HSD17B12: variants seen among roughly 807,000 people sequenced by gnomAD.
HSD17B12 encodes hydroxysteroid 17-beta dehydrogenase 12.
HSD17B12 carries 32 observed loss-of-function variants against 39.3 expected under a neutral mutation model. The ratio of observed to expected loss-of-function variants is 0.81; its 90% confidence interval spans 0.61 to 1.09. The LOEUF is 1.09. Ranked by LOEUF, HSD17B12 falls within the 50% of genes least tolerant of loss-of-function variation. The pLI, the probability that HSD17B12 is intolerant of heterozygous loss-of-function variation, is 0.00. For missense variants in HSD17B12, 342 were observed against 382.9 expected (o/e 0.89, Z 0.89); for synonymous variants, 150 against 146.7 (o/e 1.02, Z -0.16).
chr11:43,581,917 T>A, the HSD17B12 span, among the ~76,000 whole-genome samples: 1 of 152,200 alleles, frequency 6.6e-6, no homozygotes, highest in Non-Finnish European at 1.5e-5. The surrounding 1 kb of genome is among the most constrained non-coding windows in gnomAD (Gnocchi z 4.9). Context: ...TTGACCGTAA[T>A]GATCCGATTC....
At chr11:43,580,980 G>A in the HSD17B12 span, among the ~76,000 whole-genome samples, 2 of 152,054 alleles carry the variant, frequency 1.3e-5, no homozygotes, top group Non-Finnish European at 2.9e-5. Flanking sequence ...GGGACTCTGA[G>A]GGATAAGAGG....
At chr11:43,648,103 C>CA in the HSD17B12 span, among the ~76,000 whole-genome samples, 47,800 of 151,642 alleles carry the variant, frequency 0.32, 7,756 homozygotes, top group African/African-American at 0.36. Context: ...CTTAAAGCCT[C>CA]AAAAAAAATC....
chr11:43,582,536 C>T, the HSD17B12 span, among the ~76,000 whole-genome samples: 2,953 of 152,322 alleles, frequency 0.019, 31 homozygotes, highest in Non-Finnish European at 0.03. Context: ...TGAGTGCCCA[C>T]AGGGACAGAA....
At chr11:43,828,091 T>TCAC (rs1374074442) in intron 6 of HSD17B12, among the ~76,000 whole-genome samples, 1 of 151,912 alleles carries the variant, frequency 6.6e-6, no homozygotes, top group African/African-American at 2.4e-5. Context: ...GACAAGGATT[T>TCAC]CACACTCTCA....
chr11:43,806,253 G>T (rs1951017012), intron 4 of HSD17B12: 1 of 152,172 alleles, frequency 6.6e-6, no homozygotes, highest in Non-Finnish European at 1.5e-5. Context: ...AGGTTGGGCT[G>T]GCTTAAAGCC....
the HSD17B12 span, among the ~76,000 whole-genome samples, chr11:43,651,796 C>G: frequency 6.6e-6 from 1 of 152,120 alleles, no homozygotes; most frequent in African/African-American, 2.4e-5. Flanking sequence ...CCAGGCTGGT[C>G]TTGAACTCCT....
the HSD17B12 span, among the ~76,000 whole-genome samples, chr11:43,642,220 C>T: frequency 2.0e-5 from 3 of 151,652 alleles, no homozygotes; most frequent in African/African-American, 7.2e-5. Context: ...TTGAAGAGTT[C>T]ATTTCTAGAA....
At chr11:43,799,157 A>G (rs1054431786) in intron 4 of HSD17B12, among the ~76,000 whole-genome samples, 1 of 152,044 alleles carries the variant, frequency 6.6e-6, no homozygotes, top group Non-Finnish European at 1.5e-5. Context: ...GATTTTTCCT[A>G]ATCTAACTCT....
At chr11:43,635,847 G>A in the HSD17B12 span, among the ~76,000 whole-genome samples, 3 of 152,214 alleles carry the variant, frequency 2.0e-5, no homozygotes, top group South Asian at 6.2e-4. Flanking sequence ...TTCTACCCAG[G>A]TAATGCAATG....
chr11:43,652,332 G>A, the HSD17B12 span, among the ~76,000 whole-genome samples: 1 of 152,110 alleles, frequency 6.6e-6, no homozygotes, highest in Non-Finnish European at 1.5e-5. Context: ...TTTTTCCTCT[G>A]GTCTCACACC....
intron 3 of HSD17B12, among the ~76,000 whole-genome samples, chr11:43,786,390 T>C (rs1258344595): frequency 6.6e-6 from 1 of 152,226 alleles, no homozygotes; most frequent in Non-Finnish European, 1.5e-5. Context: ...TTTTCTTTTT[T>C]ACTACAAGTA....
chr11:43,690,375 TATATATATATATATATATATA>T (rs1346641973), intron 1 of HSD17B12, among the ~76,000 whole-genome samples: 1 of 13,786 alleles, frequency 7.3e-5, no homozygotes, highest in Non-Finnish European at 1.2e-4. Context: ...TATATATATA[TATATATATATATATATATATA>T]TATATATATT....
intron 1 of HSD17B12, among the ~76,000 whole-genome samples, chr11:43,714,561 G>A (rs1435493539): frequency 1.3e-5 from 2 of 152,154 alleles, no homozygotes; most frequent in Non-Finnish European, 2.9e-5. Context: ...GTAGCATGAT[G>A]CCTCCAGCTT....
the HSD17B12 span, among the ~76,000 whole-genome samples, chr11:43,665,859 T>C: frequency 6.6e-6 from 1 of 152,200 alleles, no homozygotes; most frequent in African/African-American, 2.4e-5. Context: ...ACAGCAAAGA[T>C]AAATCCAACC....
chr11:43,609,697 T>C, the HSD17B12 span, among the ~76,000 whole-genome samples: 1 of 152,070 alleles, frequency 6.6e-6, no homozygotes, highest in Non-Finnish European at 1.5e-5. Context: ...CTACACCCTG[T>C]CTGGTAAAGA....
chr11:43,744,431 G>C (rs1330608042), intron 1 of HSD17B12, among the ~76,000 whole-genome samples: 1 of 152,176 alleles, frequency 6.6e-6, no homozygotes, highest in Non-Finnish European at 1.5e-5. Context: ...ACTTGCGTTA[G>C]AAGACAACGG....
intron 1 of HSD17B12, among the ~76,000 whole-genome samples, chr11:43,706,020 A>G (rs112117270): frequency 0.019 from 2,842 of 151,978 alleles, 36 homozygotes; most frequent in Non-Finnish European, 0.025. Flanking sequence ...GGGGAAATGT[A>G]CCATCCGGGT....
At chr11:43,711,295 A>G (rs1283487217) in intron 1 of HSD17B12, among the ~76,000 whole-genome samples, 1 of 152,034 alleles carries the variant, frequency 6.6e-6, no homozygotes, top group Non-Finnish European at 1.5e-5. Context: ...TCATTTTATA[A>G]ATTTAGTTGT....
the HSD17B12 span, among the ~76,000 whole-genome samples, chr11:43,660,152 C>A: frequency 6.6e-6 from 1 of 152,144 alleles, no homozygotes; most frequent in Admixed American, 6.5e-5. Flanking sequence ...CCTCTTCTCC[C>A]AAGGAGTTCC....
Sources: allele counts gnomAD v4.1 joint callset (sites outside exome capture counted in the v4.1 genomes callset), GRCh38; gene constraint gnomAD v4.1.1; non-coding constraint Gnocchi (gnomAD v3.1); transcripts MANE v1.5; gene names NCBI Gene and HGNC (gene_info 2026-07-23, HGNC 2026-07-21).